The following SFI1 variants were observed in gnomAD, a reference collection of about 807,000 sequenced individuals.
SFI1 encodes protein SFI1 homolog.
A neutral mutation model predicts 207.5 loss-of-function variants in SFI1; 195 were observed. That is an observed-to-expected ratio of 0.94 (90% confidence interval 0.84 to 1.06). The LOEUF is 1.06. Ranked by LOEUF, SFI1 falls within the 50% of genes least tolerant of loss-of-function variation. The pLI, the probability that SFI1 is intolerant of heterozygous loss-of-function variation, is 0.00. For synonymous variants in SFI1, 630 were observed against 598.9 expected (o/e 1.05, Z -0.76); for missense variants, 1,634 against 1,588.0 (o/e 1.03, Z -0.49).
chr22:31,524,728 TTTGAG>T (rs148433419), intron 2 of SFI1, among the ~76,000 whole-genome samples: 1,779 of 151,580 alleles, frequency 0.012, 36 homozygotes, highest in African/African-American at 0.042. Flanking sequence ...TGTTGAGATG[TTTGAG>T]TTCTTTGTAT....
At chr22:31,566,546 G>A (rs548027255) in intron 8 of SFI1, among the ~76,000 whole-genome samples, 7 of 152,230 alleles carry the variant, frequency 4.6e-5, no homozygotes, top group Non-Finnish European at 7.3e-5. Flanking sequence ...GACTGTCCAA[G>A]TGGAATTCTG....
intron 21 of SFI1, among the ~76,000 whole-genome samples, chr22:31,606,950 A>C (rs1381224299): frequency 6.6e-6 from 1 of 152,092 alleles, no homozygotes; most frequent in Admixed American, 6.5e-5. Context: ...CATCTGCCTC[A>C]GCCTCCCAAA....
intron 27 of SFI1, 138 bp from the exon 28 acceptor site, chr22:31,614,651 C>T (rs73881393): frequency 1.0e-6 from 1 of 956,024 alleles, no homozygotes. Context: ...CCCAGGCCCA[C>T]CCCAGCTTAC....
At chr22:31,545,579 A>ATTTT (rs1569269363) in intron 4 of SFI1, among the ~76,000 whole-genome samples, 1,918 of 91,120 alleles carry the variant, frequency 0.021, 75 homozygotes, top group Admixed American at 0.1. Context: ...AATTTAATTT[A>ATTTT]ATTTAATTTT....
At chr22:31,506,865 C>T (rs2054718861) in intron 1 of SFI1, among the ~76,000 whole-genome samples, 1 of 152,098 alleles carries the variant, frequency 6.6e-6, no homozygotes, top group South Asian at 2.1e-4. Context: ...AGAGGTGACA[C>T]AAACAAATGG....
chr22:31,573,580 G>C (rs1178689012), intron 9 of SFI1, among the ~76,000 whole-genome samples: 1 of 152,062 alleles, frequency 6.6e-6, no homozygotes, highest in African/African-American at 2.4e-5. Flanking sequence ...TGGGATCACA[G>C]GTGCCCACCA....
chr22:31,501,184 T>C (rs950771956), intron 1 of SFI1, among the ~76,000 whole-genome samples: 1 of 151,718 alleles, frequency 6.6e-6, no homozygotes, highest in African/African-American at 2.4e-5. Flanking sequence ...ACTTTTTTTT[T>C]TTTTTGAGAC....
intron 22 of SFI1, among the ~76,000 whole-genome samples, chr22:31,610,765 G>A (rs1395090297): frequency 6.6e-6 from 1 of 152,232 alleles, no homozygotes; most frequent in African/African-American, 2.4e-5. Flanking sequence ...AGCTGCAGCT[G>A]AAGTGGGGGC....
chr22:31,600,142 C>A (rs554759197), intron 15 of SFI1, among the ~76,000 whole-genome samples: 1 of 152,324 alleles, frequency 6.6e-6, no homozygotes, highest in South Asian at 2.1e-4. Flanking sequence ...CCTGCCTCAG[C>A]CTCCTGAAGT....
intron 4 of SFI1, among the ~76,000 whole-genome samples, chr22:31,545,324 C>G (rs1023949231): frequency 2.0e-5 from 3 of 151,590 alleles, no homozygotes; most frequent in Non-Finnish European, 4.4e-5. Flanking sequence ...GAGATCACAC[C>G]ATTGCTCTCC....
chr22:31,524,698 AT>A (rs59764922), intron 2 of SFI1, among the ~76,000 whole-genome samples: 92,507 of 137,454 alleles, frequency 0.67, 30,608 homozygotes, highest in Non-Finnish European at 0.74. Context: ...TTTTAATTGG[AT>A]TTTTTTTTTT....
intron 15 of SFI1, among the ~76,000 whole-genome samples, chr22:31,596,130 A>G (rs1366676569): frequency 1.3e-5 from 2 of 152,092 alleles, no homozygotes; most frequent in African/African-American, 2.4e-5. Context: ...GTGCATGCTT[A>G]TAATCCCAGC....
At chr22:31,600,073 A>C (rs929870306) in intron 15 of SFI1, among the ~76,000 whole-genome samples, 3 of 151,604 alleles carry the variant, frequency 2.0e-5, no homozygotes, top group African/African-American at 7.3e-5. Flanking sequence ...TTGATTGTAG[A>C]GACGAGGTCT....
At chr22:31,580,987 G>C (rs1603168823) in intron 12 of SFI1, among the ~76,000 whole-genome samples, 2 of 152,190 alleles carry the variant, frequency 1.3e-5, no homozygotes, top group East Asian at 3.9e-4. Flanking sequence ...AGGGGATATA[G>C]TGATACAAAT....
chr22:31,528,659 T>C, intron 2 of SFI1, 31 bp from the exon 3 acceptor site: 3 of 1,597,530 alleles, frequency 1.9e-6, no homozygotes, highest in Non-Finnish European at 1.7e-6. Flanking sequence ...AACTTTATTC[T>C]CTCCTTGCCT....
chr22:31,536,601 C>T (rs1249387027), intron 4 of SFI1, among the ~76,000 whole-genome samples: 5 of 152,080 alleles, frequency 3.3e-5, no homozygotes, highest in African/African-American at 7.2e-5. Context: ...TTAGTAGAGA[C>T]GGGGTTTCAC....
chr22:31,558,113 C>T (rs947683493), intron 7 of SFI1, among the ~76,000 whole-genome samples: 2 of 152,154 alleles, frequency 1.3e-5, no homozygotes, highest in Non-Finnish European at 2.9e-5. Context: ...TCTTATTTTC[C>T]TCATCTGTGA....
At chr22:31,571,416 G>A (rs981484301) in intron 8 of SFI1, among the ~76,000 whole-genome samples, 3 of 151,766 alleles carry the variant, frequency 2.0e-5, no homozygotes, top group South Asian at 2.1e-4. Context: ...AGGCTCAAGC[G>A]ATCCTCCCAC....
Position 31,575,369 on chromosome 22 carries a change from G to T in SFI1, c.1061G>T (p.Arg354Leu), listed in dbSNP as rs200708380. The T allele has an allele frequency of 6.2e-7, 1 of 1,610,598 alleles. No homozygotes were observed. Among genetic ancestry groups the T allele is most frequent in the African/African-American group, 1.3e-5 (1 of 74,804 alleles). Residue 354 changes from arginine (R) to leucine (L), a missense_variant, in exon 10 of 33, where the codon CGC becomes CTC. Physicochemically the swap from Arg to Leu is moderately radical, Grantham distance 102. Coordinates refer to ENST00000400288, the MANE Select transcript of SFI1 (RefSeq NM_001007467.3). The stretch of plus-strand genomic sequence containing the variant: ...CTGGCCAGGAAGATGGCCCTGCGGC[G>T]CGCCTTTACTCACTGGAAACACTGT... ...EKLARKMALR[R>L]AFTHWKHYML...
Sources: allele counts gnomAD v4.1 joint callset (sites outside exome capture counted in the v4.1 genomes callset), GRCh38; gene constraint gnomAD v4.1.1; transcripts MANE v1.5; gene names NCBI Gene and HGNC (gene_info 2026-07-23, HGNC 2026-07-21).